The following PSME4 variants were observed in gnomAD, a reference collection of about 807,000 sequenced individuals.
PSME4 encodes the protein proteasome activator complex subunit 4.
In PSME4, 89 loss-of-function variants were observed where a neutral mutation model predicts 253.9. The ratio of observed to expected loss-of-function variants is 0.35; its 90% confidence interval spans 0.30 to 0.42. PSME4 has a LOEUF of 0.42. Among genes scored for constraint, PSME4 ranks in the 10% least tolerant of loss-of-function variants. The probability of loss-of-function intolerance (pLI) is 1.00; values close to 1 mark genes in which losing one functional copy is unlikely to be tolerated. For synonymous variants in PSME4, 851 were observed against 759.2 expected (o/e 1.12, Z -1.99); for missense variants, 2,014 against 2,195.2 (o/e 0.92, Z 1.65).
chr2:53,955,249 T>A (rs1670178167), intron 1 of PSME4, among the ~76,000 whole-genome samples: 1 of 152,206 alleles, frequency 6.6e-6, no homozygotes, highest in Non-Finnish European at 1.5e-5. Flanking sequence ...TCTATAAGTC[T>A]AGTATGAGAA....
chr2:53,938,249 A>C (rs529767721), intron 4 of PSME4, among the ~76,000 whole-genome samples: 221 of 152,310 alleles, frequency 1.5e-3, no homozygotes, highest in Non-Finnish European at 2.7e-3. Flanking sequence ...TCAGTCCAGC[A>C]ATCTCTAGGC....
chr2:53,920,256 G>C lies in PSME4; in HGVS notation c.2357C>G (p.Ser786Cys), dbSNP rs762341277. 1 of 1,613,652 alleles carries C rather than the reference G, an allele frequency of 6.2e-7. No individual in the cohort carries two copies. Among genetic ancestry groups the C allele is most frequent in the Non-Finnish European group, 8.5e-7 (1 of 1,179,690 alleles). ...EVSFAFYLLD[S>C]FLQPELVKLQ... ...TTTGACGAGCTCAGGCTGAAGAAAGGAGTCCAAAAGATAAAAGGCAAAAGA... is the reference window on the plus strand; with the variant it reads ...TTTGACGAGCTCAGGCTGAAGAAAGCAGTCCAAAAGATAAAAGGCAAAAGA... The change falls in exon 19 of 47, where the codon TCC becomes TGC. Residue 786 changes from serine to cysteine, a missense_variant. Around this residue, in one of 4 missense-constraint regions of PSME4, gnomAD observed 989 missense variants for 1,021.1 expected, o/e 0.97. Coordinates refer to ENST00000404125, the MANE Select transcript of PSME4 (RefSeq NM_014614.3).
At chr2:53,959,364 CA>C (rs1231744897) in intron 1 of PSME4, among the ~76,000 whole-genome samples, 11 of 150,668 alleles carry the variant, frequency 7.3e-5, no homozygotes, top group Non-Finnish European at 1.5e-4. Context: ...GACTCTGTCT[CA>C]AAAAAAAGAG....
intron 12 of PSME4, 129 bp from the exon 13 acceptor site, chr2:53,926,152 G>A (rs1253569014): frequency 4.5e-6 from 3 of 667,252 alleles, no homozygotes; most frequent in Non-Finnish European, 5.2e-6. Flanking sequence ...ATGAGAAACA[G>A]CACCATGCTA....
chr2:53,915,315 C>A (rs1309989100), intron 20 of PSME4, among the ~76,000 whole-genome samples: 2 of 152,114 alleles, frequency 1.3e-5, no homozygotes, highest in African/African-American at 4.8e-5. Context: ...GTGACCCACG[C>A]CTATAGTCCC....
chr2:53,906,476 A>G lies in PSME4; in HGVS notation c.2943+122T>C, dbSNP rs923305490. On this transcript the variant is annotated intron_variant, in intron 26 of 46. Coordinates refer to ENST00000404125, the MANE Select transcript of PSME4 (RefSeq NM_014614.3). ...TTACTGGAAATTACAATTTCCAATAATTGAGAGAATAATTCCAATTATGGG... is the reference window on the plus strand; with the variant it reads ...TTACTGGAAATTACAATTTCCAATAGTTGAGAGAATAATTCCAATTATGGG... 21 of 1,347,556 alleles carry G rather than the reference A, an allele frequency of 1.6e-5. No homozygotes were observed. The Admixed American group carries it at 5.9e-4, about 38-fold the overall frequency. The allele number at this position is 1,347,556 out of a possible 1,614,324, so 83.5% of individuals were successfully genotyped here. A position where few individuals can be genotyped will look rare whatever the true frequency, so the allele number is the denominator to read the frequency against.
intron 17 of PSME4, 78 bp from the exon 18 acceptor site, chr2:53,921,182 T>A: frequency 6.3e-7 from 1 of 1,587,496 alleles, no homozygotes; most frequent in Non-Finnish European, 8.5e-7. Flanking sequence ...AGTTCAATGT[T>A]TGGCCACTAA....
intron 14 of PSME4, among the ~76,000 whole-genome samples, chr2:53,923,724 A>T (rs1385299268): frequency 6.6e-6 from 1 of 151,954 alleles, no homozygotes; most frequent in Non-Finnish European, 1.5e-5. Flanking sequence ...GGAGCTCAAG[A>T]CCAGCCTGGC....
intron 1 of PSME4, among the ~76,000 whole-genome samples, chr2:53,955,109 T>C (rs1237633917): frequency 6.6e-6 from 1 of 152,066 alleles, no homozygotes; most frequent in Non-Finnish European, 1.5e-5. Flanking sequence ...AGGTTGAGGT[T>C]GCAGTGAGCC....
chr2:53,952,357 A>G (rs541356640), intron 1 of PSME4, among the ~76,000 whole-genome samples: 228 of 152,284 alleles, frequency 1.5e-3, no homozygotes, highest in Non-Finnish European at 2.2e-3. Flanking sequence ...CCTGGCCAAC[A>G]TGATGAAACC....
chr2:53,960,047 T>A (rs1670410914), intron 1 of PSME4, among the ~76,000 whole-genome samples: 1 of 152,200 alleles, frequency 6.6e-6, no homozygotes, highest in African/African-American at 2.4e-5. Flanking sequence ...TGTCATCACT[T>A]AAGTTATACC....
chr2:53,928,976 G>A (rs142503700), intron 10 of PSME4, among the ~76,000 whole-genome samples: 3 of 152,132 alleles, frequency 2.0e-5, no homozygotes, highest in African/African-American at 7.2e-5. Context: ...GACCAGCCTG[G>A]CCAACATGGT....
intron 42 of PSME4, 75 bp from the exon 43 acceptor site, chr2:53,874,569 C>T (rs1679035989): frequency 1.5e-6 from 2 of 1,324,980 alleles, no homozygotes; most frequent in Non-Finnish European, 2.1e-6. Context: ...TGACATTACA[C>T]ACAAACAATG....
chr2:53,892,826 C>T lies in PSME4; in HGVS notation c.4173G>A (p.Lys1391=). 1 of 1,613,310 alleles carries T rather than the reference C, an allele frequency of 6.2e-7. No homozygotes were observed. Among genetic ancestry groups the T allele is most frequent in the Non-Finnish European group, 8.5e-7 (1 of 1,179,656 alleles). ...EIIAGLIRGS[K]HWTFEKVEKL... ...ACATCACCTTTTCAAATGTCCAGTGCTTAGAACCTCTGATTAAACCAGCTA... is the reference window on the plus strand; with the variant it reads ...ACATCACCTTTTCAAATGTCCAGTGTTTAGAACCTCTGATTAAACCAGCTA... The change falls in exon 36 of 47, where the codon AAG becomes AAA. Residue 1391 remains lysine (K), a synonymous_variant. Coordinates refer to ENST00000404125, the MANE Select transcript of PSME4 (RefSeq NM_014614.3).
At chr2:53,899,512 T>C (rs539241570) in intron 29 of PSME4, among the ~76,000 whole-genome samples, 51 of 152,128 alleles carry the variant, frequency 3.4e-4, no homozygotes, top group Non-Finnish European at 6.5e-4. Context: ...ATCTATATTT[T>C]AGAGATGTTA....
chr2:53,874,650 G>C (rs566129228), intron 42 of PSME4, among the ~76,000 whole-genome samples, 156 bp from the exon 43 acceptor site: 7 of 152,264 alleles, frequency 4.6e-5, no homozygotes, highest in Non-Finnish European at 1.0e-4. Context: ...TAAATAAAAG[G>C]TTGAATGAGG....
chr2:53,946,114 A>C (rs1255451334), intron 3 of PSME4, among the ~76,000 whole-genome samples: 1 of 152,228 alleles, frequency 6.6e-6, no homozygotes, highest in African/African-American at 2.4e-5. Context: ...CCAGACAAAC[A>C]GCTCTTATCA....
At chr2:53,888,696 T>C (rs1448840765) in intron 38 of PSME4, 25 bp downstream of exon 38, 1 of 1,517,736 alleles carries the variant, frequency 6.6e-7, no homozygotes, top group South Asian at 1.1e-5. Context: ...CGTGTTAACC[T>C]CATAGGTTTT....
At chr2:53,949,334 C>T in intron 1 of PSME4, 51 bp from the exon 2 acceptor site, 1 of 1,237,104 alleles carries the variant, frequency 8.1e-7, no homozygotes, top group African/African-American at 1.5e-5. Flanking sequence ...GATGACACAT[C>T]CATGTTCAAT....
Sources: gnomAD v4.1 joint callset for allele counts (sites outside exome capture counted in the v4.1 genomes callset) on GRCh38, gnomAD v4.1.1 for gene constraint, gnomAD v4.1.1 regional missense constraint, MANE v1.5 for transcripts, NCBI Gene and HGNC (gene_info 2026-07-23, HGNC 2026-07-21) for gene names.